RPTOR: variants seen among roughly 807,000 people sequenced by gnomAD.
RPTOR encodes the protein regulatory-associated protein of mTOR.
A neutral mutation model predicts 169.9 loss-of-function variants in RPTOR; 21 were observed. That is an observed-to-expected ratio of 0.12 (90% CI 0.09 to 0.18). The LOEUF (loss-of-function observed/expected upper bound fraction) is 0.18, where lower values mean the gene tolerates loss of function less well. RPTOR is among the 10% of genes least tolerant of loss of function. The pLI is 1.00. For missense variants in RPTOR, 1,133 were observed against 1,855.9 expected (o/e 0.61, Z 7.16); for synonymous variants, 732 against 753.2 (o/e 0.97, Z 0.46).
At chr17:80,756,301 G>A (rs1359964137) in intron 6 of RPTOR, among the ~76,000 whole-genome samples, 2 of 152,186 alleles carry the variant, frequency 1.3e-5, no homozygotes, top group Admixed American at 6.5e-5. Flanking sequence ...GCCACTCTTT[G>A]ACCTTGGACC....
chr17:80,560,825 G>A (rs1405558976), intron 1 of RPTOR, among the ~76,000 whole-genome samples: 2 of 152,130 alleles, frequency 1.3e-5, no homozygotes, highest in Non-Finnish European at 2.9e-5. Context: ...CAGGGACTCT[G>A]TGTTCACTGC....
chr17:80,879,665 G>A (rs1379405161), intron 13 of RPTOR, among the ~76,000 whole-genome samples: 2 of 152,190 alleles, frequency 1.3e-5, no homozygotes, highest in Non-Finnish European at 2.9e-5. Flanking sequence ...AATACCTAGT[G>A]CTCAGCACCC....
chr17:80,547,129 T>C (rs886097769), intron 1 of RPTOR, among the ~76,000 whole-genome samples: 5 of 152,172 alleles, frequency 3.3e-5, no homozygotes, highest in African/African-American at 9.7e-5. Flanking sequence ...TAGTAACCAG[T>C]TAGCTACTGA....
chr17:80,906,712 A>G (rs2068547152), intron 20 of RPTOR, among the ~76,000 whole-genome samples: 1 of 152,198 alleles, frequency 6.6e-6, no homozygotes, highest in African/African-American at 2.4e-5. Flanking sequence ...GATTCACGCC[A>G]GCACAGGCAG....
chr17:80,858,038 G>A (rs1049623275), intron 13 of RPTOR, 138 bp downstream of exon 13: 4 of 707,612 alleles, frequency 5.7e-6, no homozygotes, highest in Admixed American at 4.6e-5. Flanking sequence ...CCTCTCTTCT[G>A]GGGTAAAGTG....
intron 28 of RPTOR, among the ~76,000 whole-genome samples, chr17:80,951,457 T>C (rs60311504): frequency 0.5 from 75,935 of 152,060 alleles, 19,717 homozygotes; most frequent in African/African-American, 0.64. Flanking sequence ...AGGCTCTCAC[T>C]GCGGGGGAAG....
chr17:80,671,412 C>A (rs2065821179), intron 3 of RPTOR, among the ~76,000 whole-genome samples: 1 of 152,194 alleles, frequency 6.6e-6, no homozygotes, highest in Admixed American at 6.5e-5. Context: ...AGAACACTCT[C>A]TAATTATTGG....
At position 80,965,894 on chromosome 17, in the gene RPTOR, C is replaced by T. The variant is rs1246397444; in HGVS notation, c.*1564C>T. ...ACGAATCCCATCCCCACGTCTGGGC[C>T]GAGAAAGCAGCCCGGGTCCGGAAGG... On this transcript the variant is annotated 3_prime_UTR_variant, in exon 34 of 34. Coordinates refer to ENST00000306801, the MANE Select transcript of RPTOR (RefSeq NM_020761.3). The T allele has an allele frequency of 3.4e-5, 8 of 233,232 alleles. No individual in the cohort carries two copies. The highest frequency in any genetic ancestry group is 2.2e-4 in the Admixed American group (4 of 17,780). 14.4% of individuals were successfully genotyped at this position (233,232 alleles called of 1,614,324 possible).
chr17:80,762,409 G>A (rs1288500482), intron 6 of RPTOR, among the ~76,000 whole-genome samples: 2 of 152,184 alleles, frequency 1.3e-5, no homozygotes, highest in African/African-American at 2.4e-5. Context: ...AGTGGAGCTG[G>A]CGAGGGCCCC....
intron 24 of RPTOR, among the ~76,000 whole-genome samples, chr17:80,930,219 TCAGCTCATCCC>T (rs1422561333): frequency 0.13 from 3,457 of 25,752 alleles, 115 homozygotes; most frequent in African/African-American, 0.3. Context: ...CAGCTCATCC[TCAGCTCATCCC>T]CAGCTCATCC....
intron 4 of RPTOR, among the ~76,000 whole-genome samples, chr17:80,711,888 C>T (rs1054794580): frequency 2.0e-5 from 3 of 151,760 alleles, no homozygotes; most frequent in African/African-American, 4.8e-5. Flanking sequence ...GGATTACAGG[C>T]GCCCGCCGCC....
At chr17:80,945,160 C>T (rs1481124332) in intron 25 of RPTOR, among the ~76,000 whole-genome samples, 8 of 151,714 alleles carry the variant, frequency 5.3e-5, no homozygotes, top group East Asian at 1.9e-4. Flanking sequence ...CCAGGTGTGG[C>T]GGTGCGCGCC....
intron 1 of RPTOR, among the ~76,000 whole-genome samples, chr17:80,570,530 G>A (rs55959137): frequency 0.45 from 67,546 of 151,726 alleles, 15,284 homozygotes; most frequent in Middle Eastern, 0.51. Context: ...GTGCAGTCTC[G>A]GCTCACTGCA....
chr17:80,846,963 G>C (rs959399528), intron 11 of RPTOR, among the ~76,000 whole-genome samples: 28 of 152,274 alleles, frequency 1.8e-4, no homozygotes, highest in African/African-American at 5.8e-4. Flanking sequence ...TTCAGAGCAG[G>C]CTCTCGACAC....
chr17:80,827,012 G>A (rs530485970), intron 9 of RPTOR, among the ~76,000 whole-genome samples: 4 of 152,230 alleles, frequency 2.6e-5, no homozygotes, highest in South Asian at 2.1e-4. Flanking sequence ...CGCTCGGCCC[G>A]CGGGAAGGAA....
At chr17:80,926,220 C>G (rs1028402733) in intron 24 of RPTOR, among the ~76,000 whole-genome samples, 1 of 152,182 alleles carries the variant, frequency 6.6e-6, no homozygotes, top group Non-Finnish European at 1.5e-5. Context: ...CAGCTCAGTC[C>G]CTGTGGTCCT....
chr17:80,654,548 C>T (rs1391191030), intron 3 of RPTOR, among the ~76,000 whole-genome samples: 1 of 152,182 alleles, frequency 6.6e-6, no homozygotes, highest in Non-Finnish European at 1.5e-5. Context: ...GGCTGGGTGG[C>T]AGGATTTAAA....
At chr17:80,938,739 A>C (rs1345035002) in intron 24 of RPTOR, among the ~76,000 whole-genome samples, 1 of 152,184 alleles carries the variant, frequency 6.6e-6, no homozygotes, top group Non-Finnish European at 1.5e-5. Flanking sequence ...AAAAAGAAGG[A>C]AGCAGAGCAA....
intron 5 of RPTOR, among the ~76,000 whole-genome samples, chr17:80,732,434 A>C (rs925411338): frequency 1.3e-5 from 2 of 152,202 alleles, no homozygotes; most frequent in African/African-American, 4.8e-5. Context: ...GTGTGTTGCC[A>C]GGGATTAATC....
Sources: gnomAD v4.1 joint callset for allele counts (sites outside exome capture counted in the v4.1 genomes callset) on GRCh38, gnomAD v4.1.1 for gene constraint, MANE v1.5 for transcripts, NCBI Gene and HGNC (gene_info 2026-07-23, HGNC 2026-07-21) for gene names.